The following NEO1 variants were observed in gnomAD, a reference collection of about 807,000 sequenced individuals.
The protein encoded by NEO1 is neogenin 1.
Under a neutral mutation model 159.7 loss-of-function variants are expected in NEO1, and 63 were observed. That is an observed-to-expected ratio of 0.39 (90% CI 0.32 to 0.49). The LOEUF is 0.49. NEO1 is among the 20% of genes least tolerant of loss of function. The probability of loss-of-function intolerance (pLI) is 0.85; values close to 1 mark genes in which losing one functional copy is unlikely to be tolerated. For missense variants in NEO1, 1,615 were observed against 1,831.0 expected (o/e 0.88, Z 2.15); for synonymous variants, 633 against 662.0 (o/e 0.96, Z 0.67).
In NEO1 at chr15:73,117,489, TG is replaced by T. The variant is rs2071391539; in HGVS notation, c.448+633del. Among the ~76,000 whole-genome samples the T allele has an allele frequency of 2.6e-5, 4 of 152,300 alleles. No homozygotes were observed. The South Asian group carries it at 8.3e-4, about 32-fold the overall frequency. On this transcript the variant is annotated intron_variant, in intron 2 of 28. Coordinates refer to ENST00000261908, the MANE Select transcript of NEO1 (RefSeq NM_002499.4). Reference sequence around the variant, plus strand: ...GTAGATACTAGCGTTCCTGAGATAGTGTTTCTTTACTTGAGTACCAGATGAA... The same window carrying T: ...GTAGATACTAGCGTTCCTGAGATAGTTTTCTTTACTTGAGTACCAGATGAA...
At chr15:73,280,942 A>G (rs1399468371) in intron 22 of NEO1, among the ~76,000 whole-genome samples, 5 of 151,950 alleles carry the variant, frequency 3.3e-5, no homozygotes, top group Admixed American at 3.3e-4. Flanking sequence ...GCAGTGGCTC[A>G]TGCCTGTAAT....
At chr15:73,186,586 C>T (rs2035942991) in intron 7 of NEO1, among the ~76,000 whole-genome samples, 2 of 150,648 alleles carry the variant, frequency 1.3e-5, no homozygotes, top group Admixed American at 1.3e-4. Flanking sequence ...TTTTTTTCTT[C>T]TTTTTTTTTC....
At chr15:73,124,929 A>C (rs966013820) in intron 3 of NEO1, among the ~76,000 whole-genome samples, 1 of 152,148 alleles carries the variant, frequency 6.6e-6, no homozygotes, top group African/African-American at 2.4e-5. Context: ...AAATATACCT[A>C]AGTAATTCAA....
chr15:73,256,532 G>T (rs2040359588), intron 13 of NEO1, among the ~76,000 whole-genome samples: 1 of 152,110 alleles, frequency 6.6e-6, no homozygotes. Context: ...TTGTTTATGG[G>T]TATAAGTTTC....
rs769566233 is a variant in NEO1 at position 73,249,650 on chromosome 15, G to A, written c.1823G>A (p.Arg608Gln). ...GLKKYTEYSF[R>Q]VVAYNKHGPG... is the part of the protein sequence containing the mutation. ...AAAAAATATACAGAGTATAGTTTCC[G>A]AGTGGTGGCCTACAATAAACATGGT... The change falls in exon 11 of 29, where the codon CGA (arginine) becomes CAA (glutamine). Residue 608 changes from arginine (R) to glutamine (Q), a missense_variant. Coordinates refer to ENST00000261908, the MANE Select transcript of NEO1 (RefSeq NM_002499.4). 21 of 1,613,620 alleles carry A rather than the reference G, an allele frequency of 1.3e-5. No individual in the cohort carries two copies. Among genetic ancestry groups the A allele is most frequent in the Admixed American group, 1.7e-5 (1 of 59,908 alleles).
At chr15:73,190,363 A>AT in intron 7 of NEO1, among the ~76,000 whole-genome samples, 2 of 152,308 alleles carry the variant, frequency 1.3e-5, no homozygotes, top group Non-Finnish European at 2.9e-5. Flanking sequence ...AGGAAGAAGG[A>AT]TTCATGAAAA....
rs200243852 is a variant in NEO1 at position 73,287,705 on chromosome 15, AC to A, written c.3411-605del. Among the ~76,000 whole-genome samples the A allele has an allele frequency of 3.4e-4, 51 of 152,188 alleles. No individual in the cohort carries two copies. The East Asian group carries it at 8.9e-3, about 27-fold the overall frequency. On this transcript the variant is annotated intron_variant, in intron 23 of 28. Transcript: ENST00000261908. ...AGAACAGCCTGGCCAACATGGTGAA[AC>A]CCTGTCTCTACTAAAAACACAAAAA...
chr15:73,285,437 A>G (rs1481994443), intron 23 of NEO1, among the ~76,000 whole-genome samples: 3 of 152,230 alleles, frequency 2.0e-5, no homozygotes, highest in Non-Finnish European at 4.4e-5. Context: ...AATAGGCTCT[A>G]TTCTCTGTAT....
chr15:73,212,231 T>C (rs2037623073), intron 7 of NEO1, among the ~76,000 whole-genome samples: 1 of 152,184 alleles, frequency 6.6e-6, no homozygotes, highest in Non-Finnish European at 1.5e-5. Flanking sequence ...TTAAAGCTCT[T>C]CTTACAGGAG....
Position 73,126,547 on chromosome 15 carries a change from T to G in NEO1, c.855T>G (p.Asn285Lys). Residue 285 changes from asparagine (N) to lysine (K), a missense_variant, in exon 4 of 29, where the codon AAT becomes AAG. This residue lies in a region of NEO1 where 1,018 missense variants were observed against 1,115.4 expected (regional missense o/e 0.91). Transcript: ENST00000261908. ...CTCCAACCATTAAATGGATGAAAAA[T>G]GAGGAGGCACTTGACACAGAAAGGT... ...LPTPTIKWMK[N>K]EEALDTESSE... is the part of the protein sequence containing the mutation. 1 of 1,613,570 alleles carries G rather than the reference T, an allele frequency of 6.2e-7. No homozygotes were observed. The highest frequency in any genetic ancestry group is 8.5e-7 in the Non-Finnish European group (1 of 1,179,840).
chr15:73,238,019 T>A (rs2039276772), intron 8 of NEO1, among the ~76,000 whole-genome samples: 1 of 152,128 alleles, frequency 6.6e-6, no homozygotes, highest in Non-Finnish European at 1.5e-5. Context: ...ACTTAGCCCC[T>A]CGGTGACTGT....
At chr15:73,167,988 G>A (rs1226106463) in intron 5 of NEO1, among the ~76,000 whole-genome samples, 1 of 151,992 alleles carries the variant, frequency 6.6e-6, no homozygotes, top group Non-Finnish European at 1.5e-5. Flanking sequence ...ACTCAAGAGT[G>A]GACTTAGGAG....
chr15:73,132,407 T>G (rs2031249839), intron 4 of NEO1, among the ~76,000 whole-genome samples: 1 of 152,178 alleles, frequency 6.6e-6, no homozygotes, highest in Non-Finnish European at 1.5e-5. Flanking sequence ...CTCAAAAGCC[T>G]TTCCCTAAGA....
Position 73,116,704 on chromosome 15 carries a change from G to A in NEO1, c.295G>A (p.Asp99Asn), listed in dbSNP as rs143764154. 4.0e-4 allele frequency: 651 copies of A among 1,613,838 alleles called. No homozygotes were observed. The highest frequency in any genetic ancestry group is 5.2e-4 in the Non-Finnish European group (619 of 1,179,932). ...DGTFLNLVSD[D>N]RRQLLPDGSL... ...AACTTTTTTAAACTTAGTATCAGATGATCGACGCCAGCTTCTCCCGGATGG... is the reference window on the plus strand; with the variant it reads ...AACTTTTTTAAACTTAGTATCAGATAATCGACGCCAGCTTCTCCCGGATGG... Residue 99 changes from aspartate (D) to asparagine (N), a missense_variant, in exon 2 of 29, where the codon GAT (aspartate) becomes AAT (asparagine). Asp to Asn is a conservative substitution (Grantham distance 23, BLOSUM62 1). This residue lies in a region of NEO1 where 1,018 missense variants were observed against 1,115.4 expected (regional missense o/e 0.91). Coordinates refer to ENST00000261908, the MANE Select transcript of NEO1 (RefSeq NM_002499.4).
chr15:73,091,107 C>T (rs1595951225), intron 1 of NEO1, among the ~76,000 whole-genome samples: 1 of 152,206 alleles, frequency 6.6e-6, no homozygotes, highest in Admixed American at 6.5e-5. Context: ...ACTATTACTA[C>T]CTCCCTTTAC....
chr15:73,151,911 C>T (rs1440086044), intron 5 of NEO1, among the ~76,000 whole-genome samples: 1 of 152,144 alleles, frequency 6.6e-6, no homozygotes, highest in East Asian at 1.9e-4. Flanking sequence ...TGTGAAATAC[C>T]TGTTATTTAT....
At chr15:73,070,485 A>G (rs2068477441) in intron 1 of NEO1, among the ~76,000 whole-genome samples, 2 of 152,232 alleles carry the variant, frequency 1.3e-5, no homozygotes, top group African/African-American at 4.8e-5. Flanking sequence ...TGTATCATAA[A>G]TGCATAATTT....
chr15:73,136,034 A>C lies in NEO1; in HGVS notation c.1015+7A>C, dbSNP rs747046747. On this transcript the variant is annotated splice_region_variant and intron_variant, in intron 5 of 28. Coordinates refer to ENST00000261908, the MANE Select transcript of NEO1 (RefSeq NM_002499.4). ...GCAGAGCTTACAGTGCAAGGTATGT[A>C]AATATTTACTGTATAATTTAAAAAT... is the stretch of plus-strand genomic sequence containing the variant. 1.9e-6 allele frequency: 3 copies of C among 1,586,624 alleles called. No individual in the cohort carries two copies. Among genetic ancestry groups the C allele is most frequent in the Non-Finnish European group, 2.6e-6 (3 of 1,171,592 alleles).
chr15:73,180,860 TTG>T (rs1297421120), intron 7 of NEO1, among the ~76,000 whole-genome samples: 1 of 152,094 alleles, frequency 6.6e-6, no homozygotes, highest in African/African-American at 2.4e-5. Context: ...ATGTTATTAA[TTG>T]TGTTTTCTAT....
Sources: gnomAD v4.1 joint callset for allele counts (sites outside exome capture counted in the v4.1 genomes callset) on GRCh38, gnomAD v4.1.1 for gene constraint, gnomAD v4.1.1 regional missense constraint, MANE v1.5 for transcripts, NCBI Gene and HGNC (gene_info 2026-07-23, HGNC 2026-07-21) for gene names.